ESR1: variants seen among roughly 807,000 people sequenced by gnomAD.
The protein encoded by ESR1 is estrogen receptor.
A neutral mutation model predicts 52.7 loss-of-function variants in ESR1; 12 were observed. The ratio of observed to expected loss-of-function variants is 0.23; its 90% confidence interval spans 0.15 to 0.37. The LOEUF is 0.37. ESR1 is among the 10% of genes least tolerant of loss of function. ESR1 has a pLI of 1.00. For synonymous variants in ESR1, 305 were observed against 316.8 expected (o/e 0.96, Z 0.39); for missense variants, 584 against 779.7 (o/e 0.75, Z 2.99).
intron 4 of ESR1, among the ~76,000 whole-genome samples, chr6:152,009,897 A>C (rs149415171): frequency 2.6e-4 from 39 of 152,296 alleles, no homozygotes; most frequent in African/African-American, 8.9e-4. Flanking sequence ...AATACCACTT[A>C]GGAATAGAAA....
At chr6:151,988,813 A>G (rs528457565) in intron 4 of ESR1, among the ~76,000 whole-genome samples, 3 of 152,246 alleles carry the variant, frequency 2.0e-5, no homozygotes, top group Non-Finnish European at 4.4e-5. Flanking sequence ...ATATATAAAT[A>G]TACTTGTATA....
chr6:151,900,091 C>T (rs1442866525), intron 3 of ESR1, among the ~76,000 whole-genome samples: 1 of 152,250 alleles, frequency 6.6e-6, no homozygotes, highest in Non-Finnish European at 1.5e-5. Flanking sequence ...CCACTGCACT[C>T]CAGCCTGGGC....
chr6:152,053,890 A>G lies in ESR1; in HGVS notation c.1236-7101A>G, dbSNP rs2046892691. Among the ~76,000 whole-genome samples the G allele has an allele frequency of 6.6e-6, 1 of 152,168 alleles. No homozygotes were observed. The highest frequency in any genetic ancestry group is 2.1e-4 in the South Asian group (1 of 4,836). ...AGGATTTTTTCCTGCATACTTTTGT[A>G]AGTGTAGAAAATATATGTATAGGAA... On this transcript the variant is annotated intron_variant, in intron 5 of 7. Transcript: ENST00000206249. This position sits in a 1 kb window ranked among gnomAD's most constrained non-coding sequence, Gnocchi z 4.1.
chr6:151,685,385 G>A (rs895750353), intron 1 of ESR1, among the ~76,000 whole-genome samples: 1 of 150,914 alleles, frequency 6.6e-6, no homozygotes, highest in African/African-American at 2.4e-5. Context: ...CACCCGCCTC[G>A]GCCTCCCAAA....
chr6:151,686,831 G>A (rs1209485944), upstream of ESR1, among the ~76,000 whole-genome samples: 2 of 152,162 alleles, frequency 1.3e-5, no homozygotes, highest in Non-Finnish European at 2.9e-5. Flanking sequence ...TGGATACCTG[G>A]TAATAAGGGC....
At chr6:151,925,478 G>A (rs558638856) in intron 3 of ESR1, among the ~76,000 whole-genome samples, 104 of 152,150 alleles carry the variant, frequency 6.8e-4, no homozygotes, top group African/African-American at 2.4e-3. Flanking sequence ...ATGGTGTCGG[G>A]CACTTGTAAT....
At chr6:151,999,177 C>A (rs146351998) in intron 4 of ESR1, among the ~76,000 whole-genome samples, 143 of 152,168 alleles carry the variant, frequency 9.4e-4, no homozygotes, top group Middle Eastern at 3.4e-3. Flanking sequence ...CTGTTTATTT[C>A]ATGTATAGCT....
intron 1 of ESR1, among the ~76,000 whole-genome samples, chr6:151,836,436 A>G (rs1371955069): frequency 1.3e-5 from 2 of 152,204 alleles, no homozygotes; most frequent in African/African-American, 4.8e-5. Flanking sequence ...CATGAGAAAT[A>G]TTCACTATCA....
At chr6:151,766,210 G>A (rs118028050) in intron 2 of ESR1, among the ~76,000 whole-genome samples, 2,232 of 152,294 alleles carry the variant, frequency 0.015, 152 homozygotes, top group Admixed American at 0.13. Context: ...AGGAGAACAT[G>A]AGACAAGGAA....
rs2128345036 is a variant in ESR1 at position 151,885,042 on chromosome 6, G to A, written c.760+4271G>A. 2.0e-5 allele frequency among the ~76,000 whole-genome samples: 3 copies of A among 152,130 alleles called. No homozygotes were observed. In the South Asian group the frequency reaches 6.2e-4, roughly 32 times the overall value. ...TGGCGCGGGGGTGGGGGGTCTCTGTGTCTTGTTTACCGATCTTGCATGAAA... is the reference window on the plus strand; with the variant it reads ...TGGCGCGGGGGTGGGGGGTCTCTGTATCTTGTTTACCGATCTTGCATGAAA... On this transcript the variant is annotated intron_variant, in intron 3 of 7. Transcript: ENST00000206249.
chr6:151,912,851 T>TAAGTG (rs1234392885), intron 3 of ESR1, among the ~76,000 whole-genome samples: 1 of 151,972 alleles, frequency 6.6e-6, no homozygotes, highest in African/African-American at 2.4e-5. Flanking sequence ...TTCGCACTCA[T>TAAGTG]AAGTGGGAGT....
chr6:152,111,430 C>T (rs530291408), intron 6 of ESR1, among the ~76,000 whole-genome samples: 2 of 152,284 alleles, frequency 1.3e-5, no homozygotes, highest in African/African-American at 2.4e-5. Context: ...GCCCTCCGAG[C>T]GACTTCCCAG....
intron 2 of ESR1, among the ~76,000 whole-genome samples, chr6:151,863,507 T>A (rs1789271106): frequency 6.6e-6 from 1 of 152,222 alleles, no homozygotes; most frequent in East Asian, 1.9e-4. Flanking sequence ...TCCTGAGACT[T>A]TGCTGAAGTT....
chr6:151,790,280 C>T (rs768240766), intron 2 of ESR1, among the ~76,000 whole-genome samples: 22 of 152,320 alleles, frequency 1.4e-4, no homozygotes, highest in South Asian at 4.1e-4. Flanking sequence ...AGCCCCACGA[C>T]GACACAGACA....
rs759985826 is a variant in ESR1, at chr6:151,680,893, C to T, written n.74-20982C>T. ...CCTCCTTAACCCCTGAAATCCTGTTCGAGTCGCTGGGTTTGCCTTGCTCCA... is the reference window on the plus strand; with the variant it reads ...CCTCCTTAACCCCTGAAATCCTGTTTGAGTCGCTGGGTTTGCCTTGCTCCA... On this transcript the variant is annotated intron_variant and non_coding_transcript_variant, in intron 1 of 2. Transcript: ENST00000473497. Among the ~76,000 whole-genome samples, 6 of 152,144 alleles carry T rather than the reference C, an allele frequency of 3.9e-5. No homozygotes were observed. In the East Asian group the frequency reaches 5.8e-4, roughly 15 times the overall value.
chr6:152,096,335 T>G lies in ESR1; in HGVS notation c.1553+1767T>G, dbSNP rs9341057. 3.1e-4 allele frequency among the ~76,000 whole-genome samples: 47 copies of G among 152,316 alleles called. No homozygotes were observed. In the East Asian group the frequency reaches 6.8e-3, roughly 22 times the overall value. On this transcript the variant is annotated intron_variant, in intron 7 of 7. Coordinates refer to ENST00000206249, the MANE Select transcript of ESR1 (RefSeq NM_000125.4). ...TTAAGGAGGTTGGATTCGATCATTT[T>G]TAAGGGACCTTCAAATCCTTAGACC...
intron 2 of ESR1, among the ~76,000 whole-genome samples, chr6:151,757,654 T>C (rs1459683822): frequency 1.3e-5 from 2 of 152,226 alleles, no homozygotes; most frequent in Admixed American, 6.5e-5. Flanking sequence ...CACCCAAACA[T>C]TGAAGTTCTC....
In ESR1 at chr6:152,098,233, T is replaced by C. The variant is rs962015273; in HGVS notation, c.1554-499T>C. On this transcript the variant is annotated intron_variant, in intron 7 of 7. Transcript: ENST00000206249. The surrounding 1 kb of genome is among the most constrained non-coding windows in gnomAD (Gnocchi z 5.1). ...GGGCCTTGTTGAACATGGAAAGGCA[T>C]TTAGATCGTATTCTGAGTTAAATGG... Among the ~76,000 whole-genome samples the C allele has an allele frequency of 6.6e-6, 1 of 152,116 alleles. No individual in the cohort carries two copies. The highest frequency in any genetic ancestry group is 1.5e-5 in the Non-Finnish European group (1 of 68,016).
chr6:151,986,744 G>C (rs2040519117), intron 4 of ESR1, among the ~76,000 whole-genome samples: 1 of 152,058 alleles, frequency 6.6e-6, no homozygotes, highest in African/African-American at 2.4e-5. Context: ...CTAATGATTT[G>C]CTGATGGCTC....
Sources: allele counts gnomAD v4.1 joint callset (sites outside exome capture counted in the v4.1 genomes callset), GRCh38; gene constraint gnomAD v4.1.1; non-coding constraint Gnocchi (gnomAD v3.1); transcripts MANE v1.5; gene names NCBI Gene and HGNC (gene_info 2026-07-23, HGNC 2026-07-21).